Variants in DGKD observed in about 807,000 individuals in gnomAD.
The protein encoded by DGKD is DAG kinase delta.
In DGKD, 68 loss-of-function variants were observed where a neutral mutation model predicts 154.4. That is an observed-to-expected ratio of 0.44 (90% CI 0.36 to 0.54). The LOEUF is 0.54. Ranked by LOEUF, DGKD falls within the 20% of genes least tolerant of loss-of-function variation. The pLI, the probability that DGKD is intolerant of heterozygous loss-of-function variation, is 0.00. For missense variants in DGKD, 1,343 were observed against 1,593.6 expected (o/e 0.84, Z 2.68); for synonymous variants, 693 against 638.0 (o/e 1.09, Z -1.30).
intron 10 of DGKD, among the ~76,000 whole-genome samples, chr2:233,443,170 G>A (rs896480362): frequency 4.6e-5 from 7 of 152,132 alleles, no homozygotes; most frequent in African/African-American, 1.2e-4. Context: ...GTCTTTCCCC[G>A]TGCACCATCC....
In DGKD at chr2:233,469,611, GCTACAGAAAGC is replaced by G; in HGVS notation, c.*154_*164del. The G allele has an allele frequency of 1.5e-6, 1 of 649,226 alleles. No homozygotes were observed. Among genetic ancestry groups the G allele is most frequent in the Non-Finnish European group, 2.7e-6 (1 of 374,624 alleles). 40.2% of individuals were successfully genotyped at this position (649,226 alleles called of 1,614,324 possible). On this transcript the variant is annotated 3_prime_UTR_variant, in exon 30 of 30. Transcript: ENST00000264057. Reference sequence around the variant, plus strand: ...TCTCATGGTGCTACTTCCTCTGTCAGCTACAGAAAGCCTCCGTGACACCGTCCACCAGAGCT... The same window carrying G: ...TCTCATGGTGCTACTTCCTCTGTCAGCTCCGTGACACCGTCCACCAGAGCT...
rs1349027752 is a variant in DGKD, at chr2:233,457,433, G to A, written c.2580+105G>A. On this transcript the variant is annotated intron_variant, in intron 21 of 29. Coordinates refer to ENST00000264057, the MANE Select transcript of DGKD (RefSeq NM_152879.3). The surrounding 1 kb of genome is among the most constrained non-coding windows in gnomAD (Gnocchi z 5.5). ...CTGGGGTGGATCCAGCTCTTCTGTT[G>A]TGCCAGCAGTGGGGTTGCCGTGGAG... 1 of 859,740 alleles carries A rather than the reference G, an allele frequency of 1.2e-6. No individual in the cohort carries two copies. Among genetic ancestry groups the A allele is most frequent in the Non-Finnish European group, 1.9e-6 (1 of 513,216 alleles). The allele number at this position is 859,740 out of a possible 1,614,324, so 53.3% of individuals were successfully genotyped here. A position where few individuals can be genotyped will look rare whatever the true frequency, so the allele number is the denominator to read the frequency against.
intron 17 of DGKD, 37 bp from the exon 18 acceptor site, chr2:233,451,927 T>G (rs201672951): frequency 6.9e-6 from 11 of 1,592,522 alleles, no homozygotes; most frequent in Non-Finnish European, 9.5e-6. Context: ...CTGTAGCTCC[T>G]GACCAGCACC....
At chr2:233,454,910 G>A (rs183565874) in intron 19 of DGKD, 37 bp downstream of exon 19, 52 of 1,339,008 alleles carry the variant, frequency 3.9e-5, no homozygotes, top group East Asian at 3.2e-4. Flanking sequence ...TGTCTTTTGC[G>A]TCTTTGTGGC....
At position 233,445,219 on chromosome 2, in the gene DGKD, G is replaced by A. The variant is rs1191753904; in HGVS notation, c.1195-404G>A. ...TGGCATTAGTGAGTGAGATGCTGTA[G>A]TGGATGGAGGGACGGGTGGCGAGGC... is the stretch of plus-strand genomic sequence containing the variant. On this transcript the variant is annotated intron_variant, in intron 10 of 29. Coordinates refer to ENST00000264057, the MANE Select transcript of DGKD (RefSeq NM_152879.3). This position sits in a 1 kb window ranked among gnomAD's most constrained non-coding sequence, Gnocchi z 5.5. 6.6e-6 allele frequency among the ~76,000 whole-genome samples: 1 copy of A among 152,142 alleles called. No homozygotes were observed. The highest frequency in any genetic ancestry group is 1.9e-4 in the East Asian group (1 of 5,184).
At chr2:233,433,322 G>A (rs2062590093) in intron 3 of DGKD, among the ~76,000 whole-genome samples, 1 of 152,056 alleles carries the variant, frequency 6.6e-6, no homozygotes, top group African/African-American at 2.4e-5. Flanking sequence ...TTAATGTTAA[G>A]TGAAGTAAGC....
At chr2:233,380,981 G>A (rs891220103) in intron 1 of DGKD, among the ~76,000 whole-genome samples, 1 of 152,212 alleles carries the variant, frequency 6.6e-6, no homozygotes, top group East Asian at 1.9e-4. Flanking sequence ...TGGCAATGGG[G>A]AAATTGGATT....
rs1388469728 is a variant in DGKD at position 233,388,346 on chromosome 2, T to G, written c.246T>G (p.Leu82=). The G allele has an allele frequency of 6.2e-7, 1 of 1,613,574 alleles. No homozygotes were observed. The highest frequency in any genetic ancestry group is 2.2e-5 in the East Asian group (1 of 44,890). The change falls in exon 2 of 30, where the codon CTT becomes CTG. Residue 82 remains leucine (L), a synonymous_variant. Coordinates refer to ENST00000264057, the MANE Select transcript of DGKD (RefSeq NM_152879.3). ...RRYFKLRGRT[L]YYAKTAKSII... ...ACTTTAAGCTTCGAGGGCGAACGCTTTACTATGCCAAAACGGCAAAGGTGA... is the reference window on the plus strand; with the variant it reads ...ACTTTAAGCTTCGAGGGCGAACGCTGTACTATGCCAAAACGGCAAAGGTGA...
Position 233,459,408 on chromosome 2 carries a change from T to C in DGKD, c.2695-349T>C, listed in dbSNP as rs2063553796. On this transcript the variant is annotated intron_variant, in intron 22 of 29. Transcript: ENST00000264057. The surrounding 1 kb of genome is among the most constrained non-coding windows in gnomAD (Gnocchi z 5.7). ...GTCATCCACTGTGCCATCTGCTCTT[T>C]TCTAGGGGTGTTTTCACGTGGCAGG... is the stretch of plus-strand genomic sequence containing the variant. Among the ~76,000 whole-genome samples the C allele has an allele frequency of 6.6e-6, 1 of 152,176 alleles. No individual in the cohort carries two copies. The highest frequency in any genetic ancestry group is 2.1e-4 in the South Asian group (1 of 4,832).
chr2:233,362,984 A>T (rs1274023683), intron 1 of DGKD, among the ~76,000 whole-genome samples: 1 of 152,264 alleles, frequency 6.6e-6, no homozygotes, highest in Non-Finnish European at 1.5e-5. Context: ...TATAGCACAT[A>T]CAAGTATATA....
intron 1 of DGKD, among the ~76,000 whole-genome samples, chr2:233,371,314 C>A (rs1159561435): frequency 2.0e-5 from 3 of 152,156 alleles, no homozygotes; most frequent in Non-Finnish European, 2.9e-5. Context: ...AGCATCATTT[C>A]ATATGTTTAT....
At chr2:233,447,526 A>AT (rs986474193) in intron 12 of DGKD, 62 of 975,750 alleles carry the variant, frequency 6.4e-5, no homozygotes, top group African/African-American at 5.6e-4. Flanking sequence ...TTAAAAAAAA[A>AT]TTTTTTTTTT....
chr2:233,403,423 G>C (rs958915240), intron 3 of DGKD, among the ~76,000 whole-genome samples: 3 of 151,742 alleles, frequency 2.0e-5, no homozygotes, highest in Non-Finnish European at 4.4e-5. Flanking sequence ...AGCTGGATGT[G>C]GTGGTGGGCG....
At chr2:233,454,896 C>G (rs371135440) in intron 19 of DGKD, 23 bp downstream of exon 19, 1 of 1,479,716 alleles carries the variant, frequency 6.8e-7, no homozygotes, top group Non-Finnish European at 9.4e-7. Context: ...CTCAGGAGCA[C>G]GTCTGTCTTT....
At chr2:233,410,402 C>T (rs935947670) in intron 3 of DGKD, among the ~76,000 whole-genome samples, 5 of 152,172 alleles carry the variant, frequency 3.3e-5, no homozygotes, top group African/African-American at 4.8e-5. Flanking sequence ...GCCAGCTCTG[C>T]GCTGCCTTCT....
chr2:233,387,237 A>G (rs1281617513), intron 1 of DGKD, among the ~76,000 whole-genome samples: 1 of 152,210 alleles, frequency 6.6e-6, no homozygotes, highest in Non-Finnish European at 1.5e-5. Context: ...CGTAAAGTGC[A>G]GAGCTATATG....
At chr2:233,462,296 G>A (rs1276534559) in intron 24 of DGKD, 52 bp from the exon 25 acceptor site, 2 of 1,458,776 alleles carry the variant, frequency 1.4e-6, no homozygotes, top group African/African-American at 2.8e-5. Flanking sequence ...TATTGTGAAA[G>A]GCTGCCCTTC....
chr2:233,379,124 C>T (rs1348920193), intron 1 of DGKD, among the ~76,000 whole-genome samples: 1 of 152,174 alleles, frequency 6.6e-6, no homozygotes, highest in Non-Finnish European at 1.5e-5. Flanking sequence ...GGGAGACAGC[C>T]TCATAATGGA....
Position 233,423,671 on chromosome 2 carries a change from G to A in DGKD, c.349-10709G>A, listed in dbSNP as rs186315014. Among the ~76,000 whole-genome samples, 373 of 152,208 alleles carry A rather than the reference G, an allele frequency of 2.5e-3. 1 individual carries two copies. The highest frequency in any genetic ancestry group is 6.8e-3 in the Middle Eastern group (2 of 292). On this transcript the variant is annotated intron_variant, in intron 3 of 29. Transcript: ENST00000264057. ...AGTGCCTAGCTGCGGCCTGGGAGTG[G>A]GGTGGGCATGGTTTTTTCTTGTGGC... is the stretch of plus-strand genomic sequence containing the variant.
Sources: gnomAD v4.1 joint callset for allele counts (sites outside exome capture counted in the v4.1 genomes callset) on GRCh38, gnomAD v4.1.1 for gene constraint, Gnocchi (gnomAD v3.1) non-coding constraint, MANE v1.5 for transcripts, NCBI Gene and HGNC (gene_info 2026-07-23, HGNC 2026-07-21) for gene names.